EIF2D: variants seen among roughly 807,000 people sequenced by gnomAD.
EIF2D encodes hepatocellular carcinoma-associated antigen 56.
EIF2D carries 56 observed loss-of-function variants against 77.4 expected under a neutral mutation model. The observed-to-expected ratio is 0.72, with a 90% CI of 0.58 to 0.90. The LOEUF is 0.90. EIF2D is among the 40% of genes least tolerant of loss of function. The probability of loss-of-function intolerance (pLI) is 0.00; values close to 1 mark genes in which losing one functional copy is unlikely to be tolerated. For synonymous variants in EIF2D, 230 were observed against 271.0 expected, an observed-to-expected ratio of 0.85 and a Z score of 1.49; for missense variants, 574 against 706.5, an observed-to-expected ratio of 0.81 and a Z score of 2.13.
downstream of EIF2D, chr1:206,586,909 A>G (rs1669141038): frequency 1.2e-6 from 2 of 1,614,214 alleles, no homozygotes; most frequent in Admixed American, 1.7e-5. Context: ...AACAAGTGCA[A>G]AAGAAGTATG....
In EIF2D at chr1:206,584,647, G is replaced by A. The variant is rs1263306357; in HGVS notation, c.139-3485C>T. ...TCATGGTTGTGGACAATCCCCAGAA[G>A]TTTGCACTTTTTAAGCGGATACACA... On this transcript the variant is annotated intron_variant and NMD_transcript_variant, in intron 2 of 5. Coordinates refer to the EIF2D transcript ENST00000472709. This position sits in a 1 kb window ranked among gnomAD's most constrained non-coding sequence, Gnocchi z 4.9. 6 of 1,614,226 alleles carry A rather than the reference G, an allele frequency of 3.7e-6. No individual in the cohort carries two copies. The African/African-American group carries it at 5.3e-5, about 14-fold the overall frequency.
At chr1:206,575,692 T>C (rs1315449653) in intron 4 of EIF2D, among the ~76,000 whole-genome samples, 1 of 152,196 alleles carries the variant, frequency 6.6e-6, no homozygotes, top group Admixed American at 6.5e-5. Flanking sequence ...TGTAAAATCT[T>C]AGTCCTGCGA....
chr1:206,608,599 C>G (rs956755232), intron 3 of EIF2D, among the ~76,000 whole-genome samples: 1 of 152,210 alleles, frequency 6.6e-6, no homozygotes, highest in Non-Finnish European at 1.5e-5. Context: ...GTGTCCTGGC[C>G]GGGCGCAGTG....
chr1:206,612,448 G>T lies in EIF2D; in HGVS notation c.-106C>A. 6.8e-7 allele frequency: 1 copy of T among 1,474,842 alleles called. No individual in the cohort carries two copies. The highest frequency in any genetic ancestry group is 9.4e-7 in the Non-Finnish European group (1 of 1,062,126). 91.4% of individuals were successfully genotyped at this position (1,474,842 alleles called of 1,614,324 possible). A position where few individuals can be genotyped will look rare whatever the true frequency, so the allele number is the denominator to read the frequency against. On this transcript the variant is annotated 5_prime_UTR_variant, in exon 1 of 15. Coordinates refer to ENST00000271764, the MANE Select transcript of EIF2D (RefSeq NM_006893.3). ...TCAGCCGTGGGGGCAGCCATGCTGG[G>T]GCCCGGCCGCGAAAAGGGCCCGGCT...
Position 206,599,921 on chromosome 1 carries a change from C to T in EIF2D, c.949-85G>A, listed in dbSNP as rs190507799. 5.6e-4 allele frequency: 759 copies of T among 1,344,170 alleles called. No homozygotes were observed. The highest frequency in any genetic ancestry group is 7.7e-4 in the Non-Finnish European group (733 of 953,208). The allele number at this position is 1,344,170 out of a possible 1,614,324, so 83.3% of individuals were successfully genotyped here. A position where few individuals can be genotyped will look rare whatever the true frequency, so the allele number is the denominator to read the frequency against. ...CCAGGATGTGCCAGAGTGAGCTAGGCAGGGACTGTGCAGGGATATGAGACA... is the reference window on the plus strand; with the variant it reads ...CCAGGATGTGCCAGAGTGAGCTAGGTAGGGACTGTGCAGGGATATGAGACA... On this transcript the variant is annotated intron_variant, in intron 8 of 14. Transcript: ENST00000271764. This position sits in a 1 kb window ranked among gnomAD's most constrained non-coding sequence, Gnocchi z 4.1.
Position 206,612,403 on chromosome 1 carries a change from G to T in EIF2D, c.-61C>A. The stretch of plus-strand genomic sequence containing the variant: ...GCCAGGGAATGTCAAGAAAGCGAGG[G>T]CGCAGCAGCTGCCAGGCCCTCAGCC... On this transcript the variant is annotated 5_prime_UTR_variant, in exon 1 of 15. Coordinates refer to ENST00000271764, the MANE Select transcript of EIF2D (RefSeq NM_006893.3). 6.2e-7 allele frequency: 1 copy of T among 1,607,910 alleles called. No homozygotes were observed. The highest frequency in any genetic ancestry group is 1.1e-5 in the South Asian group (1 of 90,974).
chr1:206,602,316 C>CACAT lies in EIF2D; in HGVS notation c.902+16_902+19dup, dbSNP rs1481945530. The CACAT allele has an allele frequency of 1.2e-6, 2 of 1,607,664 alleles. No homozygotes were observed. Among genetic ancestry groups the CACAT allele is most frequent in the Non-Finnish European group, 1.7e-6 (2 of 1,174,260 alleles). ...GAGACCCCGGCCCCGGCCTCCAGCCCACATCAGTGCTTTCCATACCAGCAG... is the reference window on the plus strand; with the variant it reads ...GAGACCCCGGCCCCGGCCTCCAGCCCACATACATCAGTGCTTTCCATACCAGCAG... On this transcript the variant is annotated intron_variant, in intron 7 of 14. Coordinates refer to ENST00000271764, the MANE Select transcript of EIF2D (RefSeq NM_006893.3).
chr1:206,609,191 C>A (rs575776120), intron 3 of EIF2D, among the ~76,000 whole-genome samples, 185 bp downstream of exon 3: 20 of 152,238 alleles, frequency 1.3e-4, no homozygotes, highest in Non-Finnish European at 2.1e-4. Context: ...TTAAGCCTTA[C>A]AACAGGGCCA....
Position 206,592,158 on chromosome 1 carries a change from G to C in EIF2D, c.1685-313C>G, listed in dbSNP as rs1669370555. ...TTGTATGGGGTTCTTCACATAAAGAGGCTCAACTCTAGAAGTTAACTGTCA... is the reference window on the plus strand; with the variant it reads ...TTGTATGGGGTTCTTCACATAAAGACGCTCAACTCTAGAAGTTAACTGTCA... On this transcript the variant is annotated intron_variant, in intron 14 of 14. Coordinates refer to ENST00000271764, the MANE Select transcript of EIF2D (RefSeq NM_006893.3). This position sits in a 1 kb window ranked among gnomAD's most constrained non-coding sequence, Gnocchi z 4.7. Among the ~76,000 whole-genome samples, 1 of 152,186 alleles carries C rather than the reference G, an allele frequency of 6.6e-6. No individual in the cohort carries two copies. The highest frequency in any genetic ancestry group is 2.4e-5 in the African/African-American group (1 of 41,458).
chr1:206,607,168 G>A (rs1383520739), intron 4 of EIF2D, among the ~76,000 whole-genome samples: 2 of 151,488 alleles, frequency 1.3e-5, no homozygotes, highest in African/African-American at 4.8e-5. Context: ...AGTTAAATGT[G>A]TATTGTTAGT....
At position 206,602,149 on chromosome 1, in the gene EIF2D, C is replaced by T. The variant is rs569231886; in HGVS notation, c.902+187G>A. ...AAATTTAAGATTTTGTTTTAACAGCCCAGCAAGCTAAGAATTAACTTTTTA... is the reference window on the plus strand; with the variant it reads ...AAATTTAAGATTTTGTTTTAACAGCTCAGCAAGCTAAGAATTAACTTTTTA... On this transcript the variant is annotated intron_variant, in intron 7 of 14. Transcript: ENST00000271764. 4 of 535,612 alleles carry T rather than the reference C, an allele frequency of 7.5e-6. No homozygotes were observed. In the East Asian group the frequency reaches 1.2e-4, roughly 16 times the overall value. The allele number at this position is 535,612 out of a possible 1,614,324, so 33.2% of individuals were successfully genotyped here.
intron 4 of EIF2D, among the ~76,000 whole-genome samples, chr1:206,606,434 C>G (rs1240674306): frequency 6.6e-6 from 1 of 152,044 alleles, no homozygotes; most frequent in Non-Finnish European, 1.5e-5. Flanking sequence ...TTTTAACAAC[C>G]CCTCATATCA....
At chr1:206,569,226 TG>T (rs1668371837), downstream of EIF2D, among the ~76,000 whole-genome samples, 1 of 152,168 alleles carries the variant, frequency 6.6e-6, no homozygotes, top group Non-Finnish European at 1.5e-5. Context: ...CAAGCCCCAG[TG>T]GGGTACAGAA....
At position 206,608,281 on chromosome 1, in the gene EIF2D, T is replaced by G; in HGVS notation, c.377A>C (p.Gln126Pro). 6.2e-7 allele frequency: 1 copy of G among 1,613,796 alleles called. No homozygotes were observed. Among genetic ancestry groups the G allele is most frequent in the Non-Finnish European group, 8.5e-7 (1 of 1,179,808 alleles). ...GGCACAGAGGTCGCCCTTCTGTACC[T>G]GAGGCAGACCAGCAGGGGGCATCAC... is the stretch of plus-strand genomic sequence containing the variant. ...GLVMPPAGLP[Q>P]VQKGDLCAIS... Residue 126 changes from glutamine (Q) to proline (P), a missense_variant, in exon 4 of 15, where the codon CAG becomes CCG. Coordinates refer to ENST00000271764, the MANE Select transcript of EIF2D (RefSeq NM_006893.3).
chr1:206,572,241 C>T (rs782442338), intron 5 of EIF2D, among the ~76,000 whole-genome samples: 1 of 152,110 alleles, frequency 6.6e-6, no homozygotes, highest in Non-Finnish European at 1.5e-5. Context: ...TTAATGAACC[C>T]CTATTGTGTG....
At chr1:206,588,377 C>G (rs1553408175), downstream of EIF2D, 3 of 152,340 alleles carry the variant, frequency 2.0e-5, no homozygotes, top group Non-Finnish European at 4.4e-5. Context: ...GCACTGGCTT[C>G]TTGTTTAGGC....
intron 5 of EIF2D, among the ~76,000 whole-genome samples, chr1:206,603,740 T>A (rs1011076741): frequency 6.6e-6 from 1 of 152,184 alleles, no homozygotes; most frequent in Non-Finnish European, 1.5e-5. Context: ...GAGATTGCCA[T>A]GGTTTTATGC....
rs1347277730 is a variant in EIF2D, at chr1:206,579,076, G to A, written c.*254+1616C>T. Among the ~76,000 whole-genome samples, 2 of 152,132 alleles carry A rather than the reference G, an allele frequency of 1.3e-5. No homozygotes were observed. Among genetic ancestry groups the A allele is most frequent in the Non-Finnish European group, 2.9e-5 (2 of 68,024 alleles). ...CCCTAGCACCCAGCCTCTTTACATG[G>A]CTGTTCCCCAATCACCTCCAGAGCT... On this transcript the variant is annotated intron_variant and NMD_transcript_variant, in intron 4 of 5. Coordinates refer to the EIF2D transcript ENST00000472709. This position sits in a 1 kb window ranked among gnomAD's most constrained non-coding sequence, Gnocchi z 4.2.
At chr1:206,598,335 G>T (rs1399943913) in intron 11 of EIF2D, among the ~76,000 whole-genome samples, 3 of 152,126 alleles carry the variant, frequency 2.0e-5, no homozygotes, top group Non-Finnish European at 4.4e-5. Flanking sequence ...ACAGTGTCCG[G>T]CCATTAAAGT....
Sources: gnomAD v4.1 joint callset for allele counts (sites outside exome capture counted in the v4.1 genomes callset) on GRCh38, gnomAD v4.1.1 for gene constraint, Gnocchi (gnomAD v3.1) non-coding constraint, MANE v1.5 for transcripts, NCBI Gene and HGNC (gene_info 2026-07-23, HGNC 2026-07-21) for gene names.